The following PPARGC1A variants were observed in gnomAD, a reference collection of about 807,000 sequenced individuals.
PPARGC1A encodes the protein PPARG coactivator 1 alpha.
In PPARGC1A, 25 loss-of-function variants were observed where a neutral mutation model predicts 88.7. The ratio of observed to expected loss-of-function variants is 0.28; its 90% CI spans 0.21 to 0.39. The LOEUF (loss-of-function observed/expected upper bound fraction) is 0.39, where lower values mean the gene tolerates loss of function less well. Ranked by LOEUF, PPARGC1A falls within the 10% of genes least tolerant of loss-of-function variation. The pLI is 1.00. For synonymous variants in PPARGC1A, 363 were observed against 355.6 expected (o/e 1.02, Z -0.24); for missense variants, 880 against 968.7 (o/e 0.91, Z 1.22).
the PPARGC1A span, among the ~76,000 whole-genome samples, chr4:24,296,852 T>G: frequency 6.6e-6 from 1 of 152,046 alleles, no homozygotes; most frequent in Non-Finnish European, 1.5e-5. Flanking sequence ...TAAATAGAGG[T>G]GCCAGGATGC....
chr4:23,872,908 TG>T (rs1278246477), intron 2 of PPARGC1A, among the ~76,000 whole-genome samples: 2 of 152,108 alleles, frequency 1.3e-5, no homozygotes, highest in Non-Finnish European at 2.9e-5. Flanking sequence ...TAAGAAAATG[TG>T]GGCCGGGTGC....
chr4:23,898,818 A>T (rs1299080556), intron 1 of PPARGC1A, among the ~76,000 whole-genome samples: 1 of 147,758 alleles, frequency 6.8e-6, no homozygotes, highest in African/African-American at 2.5e-5. Flanking sequence ...CAACTTTAAC[A>T]ATTCCTGAGG....
At chr4:24,377,713 A>T in the PPARGC1A span, among the ~76,000 whole-genome samples, 1 of 152,324 alleles carries the variant, frequency 6.6e-6, no homozygotes, top group Admixed American at 6.5e-5. Context: ...GTGAAACTTC[A>T]TGTCAGTAAT....
the PPARGC1A span, among the ~76,000 whole-genome samples, chr4:24,139,050 T>C: frequency 6.6e-6 from 1 of 152,162 alleles, no homozygotes; most frequent in Non-Finnish European, 1.5e-5. Context: ...CAGTTTTTCT[T>C]CCTTTGAATC....
the PPARGC1A span, chr4:24,091,565 C>T: frequency 5.1e-5 from 50 of 985,256 alleles, no homozygotes; most frequent in Non-Finnish European, 5.4e-5. Context: ...AAACTGGATT[C>T]GCCAGCGGCT....
chr4:23,893,409 T>C (rs898862623), upstream of PPARGC1A, among the ~76,000 whole-genome samples: 1 of 152,144 alleles, frequency 6.6e-6, no homozygotes, highest in Non-Finnish European at 1.5e-5. Flanking sequence ...ATATTGAATA[T>C]AGGTGATTTC....
chr4:23,999,125 AAGTGCATATCTACG>A, the PPARGC1A span, among the ~76,000 whole-genome samples: 1 of 152,216 alleles, frequency 6.6e-6, no homozygotes, highest in African/African-American at 2.4e-5. Flanking sequence ...TACTCCTAGC[AAGTGCATATCTACG>A]AGAATACCAA....
chr4:24,006,593 C>T, the PPARGC1A span, among the ~76,000 whole-genome samples: 1 of 152,176 alleles, frequency 6.6e-6, no homozygotes. Flanking sequence ...GCTTGGACAG[C>T]TTTTTGGAAA....
At chr4:23,850,805 TA>T in intron 2 of PPARGC1A, among the ~76,000 whole-genome samples, 1 of 152,198 alleles carries the variant, frequency 6.6e-6, no homozygotes, top group Admixed American at 6.5e-5. Context: ...AGTAACTCAT[TA>T]AAGGTTACTT....
the PPARGC1A span, among the ~76,000 whole-genome samples, chr4:24,012,975 T>C: frequency 6.6e-6 from 1 of 152,116 alleles, no homozygotes; most frequent in African/African-American, 2.4e-5. Flanking sequence ...GTACACAATT[T>C]ATTCTCCCAC....
the PPARGC1A span, among the ~76,000 whole-genome samples, chr4:24,391,376 T>A: frequency 6.6e-6 from 1 of 152,200 alleles, no homozygotes; most frequent in Non-Finnish European, 1.5e-5. Context: ...ACAAAAAGTC[T>A]ACTTAGCACC....
chr4:24,339,237 T>TACAC, the PPARGC1A span, among the ~76,000 whole-genome samples: 1,582 of 104,222 alleles, frequency 0.015, 36 homozygotes, highest in African/African-American at 0.039. Context: ...TATATATATA[T>TACAC]ACACACACAC....
At chr4:24,450,779 A>G in the PPARGC1A span, among the ~76,000 whole-genome samples, 1 of 152,124 alleles carries the variant, frequency 6.6e-6, no homozygotes, top group African/African-American at 2.4e-5. Context: ...TCATCATCTG[A>G]ATATTTGACC....
chr4:24,284,217 G>C, the PPARGC1A span, among the ~76,000 whole-genome samples: 5 of 152,038 alleles, frequency 3.3e-5, no homozygotes, highest in East Asian at 1.9e-4. Flanking sequence ...GCTGAGGCAG[G>C]AGAATTGCTT....
At chr4:24,125,215 A>C in the PPARGC1A span, among the ~76,000 whole-genome samples, 4 of 152,046 alleles carry the variant, frequency 2.6e-5, no homozygotes, top group African/African-American at 9.7e-5. Context: ...AGTGATGGGA[A>C]TCACATAATT....
chr4:24,299,556 C>T, the PPARGC1A span, among the ~76,000 whole-genome samples: 30 of 152,250 alleles, frequency 2.0e-4, no homozygotes, highest in African/African-American at 7.0e-4. Flanking sequence ...GATTAAAGAG[C>T]TAGCTCACTC....
the PPARGC1A span, among the ~76,000 whole-genome samples, chr4:23,984,655 G>A: frequency 6.6e-6 from 1 of 152,040 alleles, no homozygotes; most frequent in Admixed American, 6.6e-5. Context: ...ACTTTCCACA[G>A]GCATCTTCAT....
the PPARGC1A span, among the ~76,000 whole-genome samples, chr4:24,314,663 G>T: frequency 1.2e-4 from 19 of 152,254 alleles, no homozygotes; most frequent in Non-Finnish European, 2.6e-4. Flanking sequence ...ATCAATTCTG[G>T]ATGGTGATAA....
chr4:23,795,917 A>G lies in PPARGC1A; in HGVS notation c.2302T>C (p.Ser768Pro), dbSNP rs369150524. Residue 768 changes from serine (S) to proline (P), a missense_variant, in exon 13 of 13, where the codon TCA (serine) becomes CCA (proline). Ser to Pro is a moderately conservative substitution (Grantham distance 74). Transcript: ENST00000264867. Reference sequence around the variant, plus strand: ...GTGGAAGCAGGGTCAAAGTCATCTGAGTTTGAATCTGAAAAAAAACACAAG... The same window carrying G: ...GTGGAAGCAGGGTCAAAGTCATCTGGGTTTGAATCTGAAAAAAAACACAAG... ...KSNYADLDSNSDDFDPASTKS... is the reference protein window; with the variant it reads ...KSNYADLDSNPDDFDPASTKS... 3 of 1,610,326 alleles carry G rather than the reference A, an allele frequency of 1.9e-6. No homozygotes were observed. The highest frequency in any genetic ancestry group is 2.2e-5 in the East Asian group (1 of 44,788).
Sources: allele counts gnomAD v4.1 joint callset (sites outside exome capture counted in the v4.1 genomes callset), GRCh38; gene constraint gnomAD v4.1.1; transcripts MANE v1.5; gene names NCBI Gene and HGNC (gene_info 2026-07-23, HGNC 2026-07-21).